CDCP1: variants seen among roughly 807,000 people sequenced by gnomAD.
CDCP1 encodes CUB domain-containing protein 1.
In CDCP1, 29 loss-of-function variants were observed where a neutral mutation model predicts 60.2. The ratio of observed to expected loss-of-function variants is 0.48; its 90% CI spans 0.36 to 0.66. CDCP1 has a LOEUF of 0.66. Among genes scored for constraint, CDCP1 ranks in the 30% least tolerant of loss-of-function variants. The pLI is 0.00. For missense variants in CDCP1, 876 were observed against 1,074.3 expected (o/e 0.82, Z 2.58); for synonymous variants, 387 against 431.1 (o/e 0.90, Z 1.27).
intron 4 of CDCP1, among the ~76,000 whole-genome samples, chr3:45,101,579 G>A (rs1378841698): frequency 1.3e-5 from 2 of 152,138 alleles, no homozygotes; most frequent in Admixed American, 1.3e-4. Flanking sequence ...TTAATGTGCT[G>A]TAGAAGTGTA....
Position 45,118,496 on chromosome 3 carries a change from T to A in CDCP1, c.208A>T (p.Ile70Phe), listed in dbSNP as rs201811527. Residue 70 changes from isoleucine (I) to phenylalanine (F), a missense_variant, in exon 2 of 9, where the codon ATC (isoleucine) becomes TTC (phenylalanine). By Grantham distance (21) the Ile-to-Phe change is conservative. This residue lies in a region of CDCP1 where 150 missense variants were observed against 138.6 expected (regional missense o/e 1.08). Coordinates refer to ENST00000296129, the MANE Select transcript of CDCP1 (RefSeq NM_022842.5). ...AAGACTATTCTTTCTCCAGACTTGA[T>A]GGACAACATGGTTATATGTCTTTTA... ...ISKRHITMLS[I>F]KSGERIVFTF... 1.9e-6 allele frequency: 3 copies of A among 1,614,206 alleles called. No homozygotes were observed. The highest frequency in any genetic ancestry group is 2.5e-6 in the Non-Finnish European group (3 of 1,180,000).
At chr3:45,141,905 T>G (rs1699296164) in intron 1 of CDCP1, among the ~76,000 whole-genome samples, 1 of 152,104 alleles carries the variant, frequency 6.6e-6, no homozygotes, top group South Asian at 2.1e-4. Flanking sequence ...GATCTAGGCT[T>G]ACTCCAACCT....
At chr3:45,103,351 G>A (rs543602870) in intron 4 of CDCP1, among the ~76,000 whole-genome samples, 2 of 152,262 alleles carry the variant, frequency 1.3e-5, no homozygotes, top group South Asian at 2.1e-4. Flanking sequence ...AGTACTCCAT[G>A]AGCGAGCATA....
intron 4 of CDCP1, among the ~76,000 whole-genome samples, chr3:45,108,959 T>A (rs1266935298): frequency 9.2e-5 from 7 of 75,760 alleles, no homozygotes; most frequent in Admixed American, 1.4e-4. Flanking sequence ...ATATATTTTT[T>A]TTTTTTTTGA....
chr3:45,093,531 C>T lies in CDCP1; in HGVS notation c.1373G>A (p.Ser458Asn). Residue 458 changes from serine (S) to asparagine (N), a missense_variant, in exon 6 of 9, where the codon AGC becomes AAC. Physicochemically the swap from Ser to Asn is conservative, Grantham distance 46. This residue lies in a region of CDCP1 where 726 missense variants were observed against 935.7 expected (regional missense o/e 0.78). Coordinates refer to ENST00000296129, the MANE Select transcript of CDCP1 (RefSeq NM_022842.5). ...WKLLVPKDRL[S>N]LVLVPAQKLQ... Reference sequence around the variant, plus strand: ...CTTCTGGGCTGGCACCAGCACCAGGCTGAGCCTGTCCTTGGGCACCAGCAG... The same window carrying T: ...CTTCTGGGCTGGCACCAGCACCAGGTTGAGCCTGTCCTTGGGCACCAGCAG... The T allele has an allele frequency of 3.7e-6, 6 of 1,614,186 alleles. No homozygotes were observed. The highest frequency in any genetic ancestry group is 5.1e-6 in the Non-Finnish European group (6 of 1,179,996).
upstream of CDCP1, chr3:45,146,383 C>A: frequency 9.2e-7 from 1 of 1,090,504 alleles, no homozygotes; most frequent in Non-Finnish European, 1.3e-6. Context: ...CGCCCTGGCT[C>A]ACTCACCTGC....
At chr3:45,097,703 G>T (rs1698425607) in intron 4 of CDCP1, among the ~76,000 whole-genome samples, 1 of 152,110 alleles carries the variant, frequency 6.6e-6, no homozygotes, top group Non-Finnish European at 1.5e-5. Flanking sequence ...ATAATTGATG[G>T]ACTCTCTCCT....
intron 2 of CDCP1, 121 bp from the exon 3 acceptor site, chr3:45,112,566 C>A: frequency 7.3e-7 from 1 of 1,377,142 alleles, no homozygotes. Context: ...TGGCCTTTAC[C>A]AGGCAGGGGC....
At chr3:45,111,006 T>A (rs1032029578) in intron 3 of CDCP1, among the ~76,000 whole-genome samples, 165 bp from the exon 4 acceptor site, 1 of 152,194 alleles carries the variant, frequency 6.6e-6, no homozygotes, top group African/African-American at 2.4e-5. Context: ...AGATTGGGAA[T>A]GCAGACACAT....
Position 45,085,845 on chromosome 3 carries a change from G to A in CDCP1, c.2304C>T (p.Thr768=), listed in dbSNP as rs1698181538. The part of the protein sequence containing the change: ...EVDTYRPFQG[T]MGVCPPSPPT... ...GTGGGGAGGGAGGACAGACCCCCAT[G>A]GTGCCCTGGAACGGCCGGTAGGTGT... is the stretch of plus-strand genomic sequence containing the variant. The change falls in exon 9 of 9, where the codon ACC becomes ACT. Residue 768 remains threonine (T), a synonymous_variant. Transcript: ENST00000296129. This position sits in a 1 kb window ranked among gnomAD's most constrained non-coding sequence, Gnocchi z 4.2. The A allele has an allele frequency of 6.2e-7, 1 of 1,614,052 alleles. No homozygotes were observed. The highest frequency in any genetic ancestry group is 1.7e-5 in the Admixed American group (1 of 60,008).
At chr3:45,093,753 T>C in intron 5 of CDCP1, 96 bp from the exon 6 acceptor site, 1 of 1,392,992 alleles carries the variant, frequency 7.2e-7, no homozygotes, top group East Asian at 2.3e-5. Flanking sequence ...GTCTGCATGC[T>C]GCCCTGTGTT....
In CDCP1 at chr3:45,110,462, G is replaced by C; in HGVS notation, c.1024+11C>G. 1 of 1,612,826 alleles carries C rather than the reference G, an allele frequency of 6.2e-7. No individual in the cohort carries two copies. On this transcript the variant is annotated intron_variant, in intron 4 of 8. Transcript: ENST00000296129. The stretch of plus-strand genomic sequence containing the variant: ...GGAGGAGGAAGAAAAAGGAAAGTGG[G>C]GCTCACTCACTGCTTTCATTTTGTG...
At chr3:45,100,615 A>G (rs1209681950) in intron 4 of CDCP1, among the ~76,000 whole-genome samples, 1 of 152,140 alleles carries the variant, frequency 6.6e-6, no homozygotes, top group African/African-American at 2.4e-5. Context: ...GTTATACGAT[A>G]TTTTTTCCTT....
Position 45,093,390 on chromosome 3 carries a change from T to C in CDCP1, c.1514A>G (p.Lys505Arg), listed in dbSNP as rs756213496. ...GATGTTCTGCTTCACCTGGATCTGC[T>C]TGATAGAGCCTCCCGGGCAGAAGGA... ...FGSFCPGGSI[K>R]QIQVKQNISV... The change falls in exon 6 of 9, where the codon AAG becomes AGG. Residue 505 changes from lysine to arginine, a missense_variant. Lys to Arg is a conservative substitution (Grantham distance 26). Coordinates refer to ENST00000296129, the MANE Select transcript of CDCP1 (RefSeq NM_022842.5). The C allele has an allele frequency of 6.2e-7, 1 of 1,614,184 alleles. No homozygotes were observed. Among genetic ancestry groups the C allele is most frequent in the Non-Finnish European group, 8.5e-7 (1 of 1,180,038 alleles).
In CDCP1 at chr3:45,083,481, T is replaced by G. The variant is rs1304994312; in HGVS notation, c.*2157A>C. On this transcript the variant is annotated 3_prime_UTR_variant, in exon 9 of 9. Coordinates refer to ENST00000296129, the MANE Select transcript of CDCP1 (RefSeq NM_022842.5). Reference sequence around the variant, plus strand: ...AATACAATGAAGTACATTTATTTTTTGAAGGAAGTTTTTGCCGCAGAAATA... The same window carrying G: ...AATACAATGAAGTACATTTATTTTTGGAAGGAAGTTTTTGCCGCAGAAATA... 3.9e-5 allele frequency: 6 copies of G among 152,186 alleles called. No individual in the cohort carries two copies. Among genetic ancestry groups the G allele is most frequent in the African/African-American group, 1.4e-4 (6 of 41,440 alleles). The allele number at this position is 152,186 out of a possible 1,614,324, so 9.4% of individuals were successfully genotyped here. A position where few individuals can be genotyped will look rare whatever the true frequency, so the allele number is the denominator to read the frequency against.
At chr3:45,087,583 A>G (rs1327301085) in intron 8 of CDCP1, among the ~76,000 whole-genome samples, 1 of 152,132 alleles carries the variant, frequency 6.6e-6, no homozygotes, top group African/African-American at 2.4e-5. Flanking sequence ...TTTTTCCCCC[A>G]TGTGTTATAG....
rs1698125579 is a variant in CDCP1 at position 45,082,784 on chromosome 3, A to G, written c.*2854T>C. 1 of 152,242 alleles carries G rather than the reference A, an allele frequency of 6.6e-6. No individual in the cohort carries two copies. The highest frequency in any genetic ancestry group is 2.4e-5 in the African/African-American group (1 of 41,456). 9.4% of individuals were successfully genotyped at this position (152,242 alleles called of 1,614,324 possible). ...CTCGTAGGCATGGCAGACCACGTGG[A>G]TGAGCAGTGGGCTGGCATGCAGTAG... On this transcript the variant is annotated 3_prime_UTR_variant, in exon 9 of 9. Transcript: ENST00000296129.
chr3:45,119,617 T>C, intron 1 of CDCP1, among the ~76,000 whole-genome samples: 1 of 152,240 alleles, frequency 6.6e-6, no homozygotes, highest in Non-Finnish European at 1.5e-5. Context: ...TGGTGCTTGA[T>C]AAACAGTTAG....
chr3:45,095,516 G>A lies in CDCP1; in HGVS notation c.1077C>T (p.Ile359=), dbSNP rs763806182. ...GGCTCTGTTTGACGGGCCGTGGCTCGATGGTGAGTGACATGGCTCGCTCAT... is the reference window on the plus strand; with the variant it reads ...GGCTCTGTTTGACGGGCCGTGGCTCAATGGTGAGTGACATGGCTCGCTCAT... ...LSNERAMSLT[I]EPRPVKQSRK... Residue 359 remains isoleucine (I), a synonymous_variant, in exon 5 of 9, where the codon ATC becomes ATT. Transcript: ENST00000296129. 1.2e-6 allele frequency: 2 copies of A among 1,614,014 alleles called. No homozygotes were observed. The highest frequency in any genetic ancestry group is 1.3e-5 in the African/African-American group (1 of 74,900).
Sources: gnomAD v4.1 joint callset for allele counts (sites outside exome capture counted in the v4.1 genomes callset) on GRCh38, gnomAD v4.1.1 for gene constraint, gnomAD v4.1.1 regional missense constraint, Gnocchi (gnomAD v3.1) non-coding constraint, MANE v1.5 for transcripts, NCBI Gene and HGNC (gene_info 2026-07-23, HGNC 2026-07-21) for gene names.